The following FAM117B variants were observed in gnomAD, a reference collection of about 807,000 sequenced individuals.
FAM117B encodes family with sequence similarity 117 member B, also known as protein FAM117B.
A neutral mutation model predicts 52.8 loss-of-function variants in FAM117B; 22 were observed. The observed-to-expected ratio is 0.42, with a 90% confidence interval of 0.30 to 0.59. The LOEUF is 0.59. Among genes scored for constraint, FAM117B ranks in the 20% least tolerant of loss-of-function variants. FAM117B has a pLI of 0.22. For missense variants in FAM117B, 678 were observed against 802.6 expected (o/e 0.84, Z 1.88); for synonymous variants, 309 against 324.1 (o/e 0.95, Z 0.50).
At chr2:202,678,711 C>T (rs968488638) in intron 1 of FAM117B, among the ~76,000 whole-genome samples, 1 of 152,198 alleles carries the variant, frequency 6.6e-6, no homozygotes, top group Non-Finnish European at 1.5e-5. Flanking sequence ...CATGCGCCAC[C>T]ACGCCCAGCT....
At chr2:202,654,929 G>C (rs971958225) in intron 1 of FAM117B, among the ~76,000 whole-genome samples, 1 of 151,302 alleles carries the variant, frequency 6.6e-6, no homozygotes, top group Non-Finnish European at 1.5e-5. Context: ...ATGAGTATAC[G>C]TTTATATATA....
At chr2:202,692,449 G>A (rs937545084) in intron 1 of FAM117B, among the ~76,000 whole-genome samples, 10 of 152,052 alleles carry the variant, frequency 6.6e-5, no homozygotes, top group Admixed American at 5.9e-4. Context: ...AGGTAAAATC[G>A]AAGATATTAT....
At chr2:202,743,607 A>G (rs1055473080) in intron 4 of FAM117B, among the ~76,000 whole-genome samples, 1 of 145,408 alleles carries the variant, frequency 6.9e-6, no homozygotes, top group East Asian at 1.9e-4. Context: ...AAAGAAACTC[A>G]ATGACATACA....
chr2:202,684,728 A>G (rs1690513845), intron 1 of FAM117B, among the ~76,000 whole-genome samples: 1 of 152,188 alleles, frequency 6.6e-6, no homozygotes, highest in Non-Finnish European at 1.5e-5. Flanking sequence ...TGAACCAGTA[A>G]TATATATTAA....
At chr2:202,754,356 A>C (rs1437345986) in intron 4 of FAM117B, among the ~76,000 whole-genome samples, 1 of 152,144 alleles carries the variant, frequency 6.6e-6, no homozygotes, top group Non-Finnish European at 1.5e-5. Flanking sequence ...AGGGGAACAC[A>C]CACCAGGGCC....
At chr2:202,648,627 C>T (rs1689907808) in intron 1 of FAM117B, among the ~76,000 whole-genome samples, 2 of 150,620 alleles carry the variant, frequency 1.3e-5, no homozygotes, top group Admixed American at 6.7e-5. Context: ...ATTATTTCAT[C>T]AGGCTTTTAT....
chr2:202,752,488 C>A (rs1337476831), intron 4 of FAM117B, among the ~76,000 whole-genome samples: 1 of 148,448 alleles, frequency 6.7e-6, no homozygotes, highest in East Asian at 2.0e-4. Context: ...ACACTAAGTT[C>A]TGTATCAGAC....
chr2:202,679,031 C>T (rs1442808199), intron 1 of FAM117B, among the ~76,000 whole-genome samples: 2 of 152,128 alleles, frequency 1.3e-5, no homozygotes, highest in Non-Finnish European at 2.9e-5. Context: ...TTTAATAACT[C>T]CTATAACAAT....
Position 202,644,064 on chromosome 2 carries a change from G to GTTTTTTTTTTTT in FAM117B, c.601+8285_601+8296dup, listed in dbSNP as rs1161026426. 3.6e-3 allele frequency among the ~76,000 whole-genome samples: 339 copies of GTTTTTTTTTTTT among 95,106 alleles called. 1 individual carries two copies. Among genetic ancestry groups the GTTTTTTTTTTTT allele is most frequent in the East Asian group, 4.9e-3 (15 of 3,068 alleles). The allele number at this position is 95,106 out of a possible 152,430, so 62.4% of individuals were successfully genotyped here. A position where few individuals can be genotyped will look rare whatever the true frequency, so the allele number is the denominator to read the frequency against. ...CTGCTTTAGGAGCTGTTTTTTTTTT[G>GTTTTTTTTTTTT]TTTTTTTTTTTTTTTTTTTTCAGTT... On this transcript the variant is annotated intron_variant, in intron 1 of 7. Coordinates refer to ENST00000392238, the MANE Select transcript of FAM117B (RefSeq NM_173511.4).
intron 4 of FAM117B, among the ~76,000 whole-genome samples, chr2:202,752,974 A>G (rs928723480): frequency 2.6e-5 from 4 of 152,216 alleles, no homozygotes; most frequent in Admixed American, 2.6e-4. Flanking sequence ...TGCTATTCCC[A>G]TCAAACTACC....
At chr2:202,680,235 CAGA>C (rs1487589290) in intron 1 of FAM117B, among the ~76,000 whole-genome samples, 2 of 151,704 alleles carry the variant, frequency 1.3e-5, no homozygotes, top group African/African-American at 2.4e-5. Flanking sequence ...ATTGTACTCT[CAGA>C]AGAAGAAGAA....
chr2:202,636,655 G>A (rs1302439458), intron 1 of FAM117B, among the ~76,000 whole-genome samples: 2 of 152,144 alleles, frequency 1.3e-5, no homozygotes, highest in African/African-American at 4.8e-5. Context: ...TTATAATCTT[G>A]TTGCCTTAAG....
rs2105776649 is a variant in FAM117B at position 202,695,893 on chromosome 2, G to A, written c.614G>A (p.Arg205Gln). 4 of 1,599,220 alleles carry A rather than the reference G, an allele frequency of 2.5e-6. No homozygotes were observed. Among genetic ancestry groups the A allele is most frequent in the South Asian group, 1.1e-5 (1 of 89,050 alleles). The change falls in exon 2 of 8, where the codon CGA becomes CAA. Residue 205 changes from arginine (R) to glutamine (Q), a missense_variant. Arg to Gln is a conservative substitution (Grantham distance 43). This residue lies in a region of FAM117B where 583 missense variants were observed against 644.8 expected (regional missense o/e 0.90). Coordinates refer to ENST00000392238, the MANE Select transcript of FAM117B (RefSeq NM_173511.4). ...APVCKAGDKT[R>Q]QPSSSPSSII... ...GTCTTAAATCTAGGTGACAAAACAC[G>A]ACAGCCTTCTTCAAGCCCCTCCAGT...
chr2:202,745,915 A>G (rs1443745551), intron 4 of FAM117B, among the ~76,000 whole-genome samples: 1 of 152,238 alleles, frequency 6.6e-6, no homozygotes, highest in Non-Finnish European at 1.5e-5. Context: ...GTAAATATAT[A>G]TGCACCTTAC....
chr2:202,678,093 TATC>T (rs1690405046), intron 1 of FAM117B, among the ~76,000 whole-genome samples: 1 of 152,226 alleles, frequency 6.6e-6, no homozygotes, highest in Admixed American at 6.5e-5. Context: ...ATCATTATCA[TATC>T]ATGTAATTAT....
chr2:202,650,648 G>A (rs896744142), intron 1 of FAM117B, among the ~76,000 whole-genome samples: 2 of 152,208 alleles, frequency 1.3e-5, no homozygotes, highest in Non-Finnish European at 2.9e-5. Flanking sequence ...TAGGGAAGCC[G>A]ACAGTGCAGC....
At chr2:202,692,025 G>A (rs947172324) in intron 1 of FAM117B, among the ~76,000 whole-genome samples, 64 of 152,176 alleles carry the variant, frequency 4.2e-4, no homozygotes, top group Non-Finnish European at 3.5e-4. Context: ...AGCTTTTATG[G>A]TTATCAGCAA....
At chr2:202,755,746 G>T (rs1194029314) in intron 5 of FAM117B, 65 bp downstream of exon 5, 3 of 1,474,060 alleles carry the variant, frequency 2.0e-6, no homozygotes, top group African/African-American at 1.4e-5. Flanking sequence ...GCACAGTTTG[G>T]GTTTCCATAT....
chr2:202,727,933 A>G (rs1020328220), intron 4 of FAM117B, among the ~76,000 whole-genome samples: 7 of 152,192 alleles, frequency 4.6e-5, no homozygotes, highest in East Asian at 1.9e-4. Flanking sequence ...TTTTGCCCCA[A>G]AATATTAATA....
Sources: gnomAD v4.1 joint callset for allele counts (sites outside exome capture counted in the v4.1 genomes callset) on GRCh38, gnomAD v4.1.1 for gene constraint, gnomAD v4.1.1 regional missense constraint, MANE v1.5 for transcripts, NCBI Gene and HGNC (gene_info 2026-07-23, HGNC 2026-07-21) for gene names.